Variants in PDHA1 observed in about 807,000 individuals in gnomAD.
The protein encoded by PDHA1 is pyruvate dehydrogenase E1 component subunit alpha, somatic form, mitochondrial.
A neutral mutation model predicts 33.0 loss-of-function variants in PDHA1; 1 was observed. The observed-to-expected ratio is 0.03, with a 90% CI of 0.01 to 0.14. The LOEUF is 0.14. Ranked by LOEUF, PDHA1 falls within the 10% of genes least tolerant of loss-of-function variation. The pLI, the probability that PDHA1 is intolerant of heterozygous loss-of-function variation, is 1.00. For synonymous variants in PDHA1, 123 were observed against 119.2 expected (o/e 1.03, Z -0.21); for missense variants, 168 against 325.1 (o/e 0.52, Z 3.72).
chrX:19,359,426 C>T (rs2063242235), intron 10 of PDHA1, 63 bp from the exon 11 acceptor site: 1 of 969,492 alleles, frequency 1.0e-6, no homozygotes, highest in Non-Finnish European at 1.5e-6. Context: ...CTCAGCAGAA[C>T]TCTAGTTGGT....
At position 19,361,180 on chromosome X, in the gene PDHA1, C is replaced by G. The variant is rs1432877041; in HGVS notation, c.*1527C>G. The G allele has an allele frequency of 8.8e-6, 4 of 452,071 alleles. No individual in the cohort carries two copies. Among genetic ancestry groups the G allele is most frequent in the Non-Finnish European group, 1.5e-5 (4 of 264,666 alleles). 37.3% of individuals were successfully genotyped at this position (452,071 alleles called of 1,213,427 possible). ...TCACATTCCTATTTCTGACTTCTGC[C>G]TGGCTTTCAGTTTCTGCCCCACCTT... On this transcript the variant is annotated 3_prime_UTR_variant, in exon 11 of 11. Coordinates refer to ENST00000422285, the MANE Select transcript of PDHA1 (RefSeq NM_000284.4).
Position 19,360,625 on chromosome X carries a change from C to CTATT in PDHA1, c.*973_*976dup, listed in dbSNP as rs2063271679. 7 of 512,106 alleles carry CTATT rather than the reference C, an allele frequency of 1.4e-5. No homozygotes were observed. The highest frequency in any genetic ancestry group is 4.5e-4 in the Middle Eastern group (1 of 2,202). 42.2% of individuals were successfully genotyped at this position (512,106 alleles called of 1,213,427 possible). On this transcript the variant is annotated 3_prime_UTR_variant, in exon 11 of 11. Coordinates refer to ENST00000422285, the MANE Select transcript of PDHA1 (RefSeq NM_000284.4). ...ACAGTATTTAAAACAAGTTCTTAAA[C>CTATT]TATTAATTGAACAATGGCATTTTTA...
chrX:19,357,514 A>C (rs1185046624), intron 8 of PDHA1, 138 bp from the exon 9 acceptor site: 2 of 567,601 alleles, frequency 3.5e-6, no homozygotes, highest in Non-Finnish European at 6.4e-6. Flanking sequence ...ACCAATAAGA[A>C]ATTCGTGACA....
chrX:19,354,038 C>T (rs952899573), intron 5 of PDHA1, among the ~76,000 whole-genome samples: 2 of 111,492 alleles, frequency 1.8e-5, no homozygotes, highest in African/African-American at 3.3e-5. Flanking sequence ...CCTCCACCCC[C>T]GGGTTCAAGC....
At chrX:19,352,532 G>A (rs974852807) in intron 4 of PDHA1, among the ~76,000 whole-genome samples, 3 of 112,658 alleles carry the variant, frequency 2.7e-5, no homozygotes, top group East Asian at 2.8e-4. Flanking sequence ...CGCCGTGCCC[G>A]GCCCTCCTTG....
intron 3 of PDHA1, among the ~76,000 whole-genome samples, chrX:19,350,457 G>T (rs2063157343): frequency 9.0e-6 from 1 of 111,530 alleles, no homozygotes; most frequent in Admixed American, 9.5e-5. Context: ...GGAGATACGG[G>T]GTTTCACTAT....
At chrX:19,344,514 G>T (rs943206164) in intron 1 of PDHA1, among the ~76,000 whole-genome samples, 3 of 113,265 alleles carry the variant, frequency 2.6e-5, no homozygotes, top group Non-Finnish European at 5.6e-5. Context: ...TGGAGACAGG[G>T]TGGCTTCGTT....
Position 19,353,119 on chromosome X carries a change from G to T in PDHA1, c.456G>T (p.Ser152=), listed in dbSNP as rs1358837850. The part of the protein sequence containing the change: ...KGGCAKGKGG[S]MHMYAKNFYG... ...GTTGTGCTAAAGGGAAAGGAGGATCGATGCACATGTATGCCAAGAACTTCT... is the reference window on the plus strand; with the variant it reads ...GTTGTGCTAAAGGGAAAGGAGGATCTATGCACATGTATGCCAAGAACTTCT... The change falls in exon 5 of 11, where the codon TCG becomes TCT. Residue 152 remains serine, a synonymous_variant. Transcript: ENST00000422285. 1 of 1,208,732 alleles carries T rather than the reference G, an allele frequency of 8.3e-7. No individual in the cohort carries two copies. Among genetic ancestry groups the T allele is most frequent in the East Asian group, 3.0e-5 (1 of 33,802 alleles).
chrX:19,355,751 T>C lies in PDHA1; in HGVS notation c.825T>C (p.Ser275=). 2 of 1,198,128 alleles carry C rather than the reference T, an allele frequency of 1.7e-6. No individual in the cohort carries two copies. Among genetic ancestry groups the C allele is most frequent in the South Asian group, 1.8e-5 (1 of 56,629 alleles). ...GGTTTGCTGCTGCCTATTGTAGATCTGGGAAGGTAAGGCTCTAAAGCCCTC... is the reference window on the plus strand; with the variant it reads ...GGTTTGCTGCTGCCTATTGTAGATCCGGGAAGGTAAGGCTCTAAAGCCCTC... The part of the protein sequence containing the change: ...ATRFAAAYCR[S]GKGPILMELQ... The change falls in exon 8 of 11, where the codon TCT becomes TCC. Residue 275 remains serine (S), a synonymous_variant. Transcript: ENST00000422285.
chrX:19,349,407 C>T (rs781171460), intron 2 of PDHA1, 36 bp downstream of exon 2: 1 of 806,814 alleles, frequency 1.2e-6, no homozygotes, highest in Admixed American at 2.2e-5. Flanking sequence ...AATTTTTTCA[C>T]AGGTACACTC....
In PDHA1 at chrX:19,359,564, G is replaced by C. The variant is rs1322519408; in HGVS notation, c.1084G>C (p.Glu362Gln). 8.3e-7 allele frequency: 1 copy of C among 1,210,495 alleles called. No individual in the cohort carries two copies. The highest frequency in any genetic ancestry group is 2.3e-4 in the Middle Eastern group (1 of 4,345). The change falls in exon 11 of 11, where the codon GAA (glutamate) becomes CAA (glutamine). Residue 362 changes from glutamate to glutamine, a missense_variant. Glu to Gln is a conservative substitution (Grantham distance 29). Transcript: ENST00000422285. ...CACGGCCGATCCTGAGCCACCTTTG[G>C]AAGAGCTGGGCTACCACATCTACTC... is the stretch of plus-strand genomic sequence containing the variant. ...FATADPEPPL[E>Q]ELGYHIYSSD...
At chrX:19,358,801 A>G in intron 9 of PDHA1, 115 bp from the exon 10 acceptor site, 1 of 532,305 alleles carries the variant, frequency 1.9e-6, no homozygotes, top group Non-Finnish European at 3.4e-6. Context: ...TCAGAAACAC[A>G]CTTCTGTATT....
rs1199313702 is a variant in PDHA1, at chrX:19,361,163, C to CTAT, written c.*1512_*1514dup. On this transcript the variant is annotated 3_prime_UTR_variant, in exon 11 of 11. Coordinates refer to ENST00000422285, the MANE Select transcript of PDHA1 (RefSeq NM_000284.4). ...TGGCCAGCTCTTCTCTGTCACATTC[C>CTAT]TATTTCTGACTTCTGCCTGGCTTTC... The CTAT allele has an allele frequency of 4.6e-6, 2 of 438,835 alleles. No homozygotes were observed. The highest frequency in any genetic ancestry group is 4.9e-5 in the African/African-American group (2 of 40,709). The allele number at this position is 438,835 out of a possible 1,213,427, so 36.2% of individuals were successfully genotyped here. A position where few individuals can be genotyped will look rare whatever the true frequency, so the allele number is the denominator to read the frequency against.
chrX:19,356,871 A>C (rs2063203889), intron 8 of PDHA1, among the ~76,000 whole-genome samples: 1 of 112,161 alleles, frequency 8.9e-6, no homozygotes, highest in African/African-American at 3.2e-5. Context: ...CCAACCAAGG[A>C]TCCTCAATGT....
intron 3 of PDHA1, 151 bp downstream of exon 3, chrX:19,350,261 C>G (rs2063156225): frequency 6.0e-6 from 3 of 502,496 alleles, no homozygotes; most frequent in Non-Finnish European, 1.0e-5. Context: ...GACAGTCTCT[C>G]TCTGTCGCCC....
rs759119346 is a variant in PDHA1, at chrX:19,359,444, C to T, written c.1009-45C>T. 21 of 1,094,574 alleles carry T rather than the reference C, an allele frequency of 1.9e-5. No individual in the cohort carries two copies. In the South Asian group the frequency reaches 3.5e-4, roughly 18 times the overall value. The allele number at this position is 1,094,574 out of a possible 1,213,427, so 90.2% of individuals were successfully genotyped here. A position where few individuals can be genotyped will look rare whatever the true frequency, so the allele number is the denominator to read the frequency against. On this transcript the variant is annotated intron_variant, in intron 10 of 10. Transcript: ENST00000422285. ...AGCAGAACTCTAGTTGGTACCTAAG[C>T]TGCTGTTCATTCTAAAACCTTTTAC...
intron 4 of PDHA1, among the ~76,000 whole-genome samples, chrX:19,351,943 C>T (rs995447931): frequency 1.9e-4 from 21 of 108,627 alleles, no homozygotes; most frequent in Admixed American, 1.6e-3. Context: ...GGACTACAGG[C>T]ATGCACCACC....
chrX:19,353,528 C>T (rs1458057271), intron 5 of PDHA1, among the ~76,000 whole-genome samples: 1 of 111,773 alleles, frequency 8.9e-6, no homozygotes, highest in East Asian at 2.8e-4. Flanking sequence ...CATCTAGGTT[C>T]GTGCATTACA....
intron 8 of PDHA1, 108 bp from the exon 9 acceptor site, chrX:19,357,544 A>T (rs1412401660): frequency 1.6e-6 from 1 of 609,060 alleles, no homozygotes; most frequent in East Asian, 3.2e-5. Context: ...ATCTGATAAG[A>T]CTACACTGGA....
Sources: gnomAD v4.1 joint callset for allele counts (sites outside exome capture counted in the v4.1 genomes callset) on GRCh38, gnomAD v4.1.1 for gene constraint, MANE v1.5 for transcripts, NCBI Gene and HGNC (gene_info 2026-07-23, HGNC 2026-07-21) for gene names.